Variants in OR4E1 observed in about 807,000 individuals in gnomAD.
The protein encoded by OR4E1 is olfactory receptor family 4 subfamily E member 1.
rs1880745266 is a variant in OR4E1 at position 21,668,259 on chromosome 14, A to T, written c.*1729T>A. On this transcript the variant is annotated 3_prime_UTR_variant, in exon 2 of 2. Coordinates refer to ENST00000641792, the MANE Select transcript of OR4E1 (RefSeq NM_001317107.2). ...AGTTCCATTTGGGCTCATTGGAAAG[A>T]TATTTAGATATTTCTCCTTATTGTC... The T allele has an allele frequency of 2.3e-5, 2 of 87,156 alleles. No homozygotes were observed. Among genetic ancestry groups the T allele is most frequent in the African/African-American group, 1.0e-4 (2 of 19,370 alleles). 5.4% of individuals were successfully genotyped at this position (87,156 alleles called of 1,614,324 possible).
In OR4E1 at chr14:21,669,362, AATAGT is replaced by A. The variant is rs557704269; in HGVS notation, c.*621_*625del. 1.3e-5 allele frequency: 2 copies of A among 152,240 alleles called. No individual in the cohort carries two copies. Among genetic ancestry groups the A allele is most frequent in the Non-Finnish European group, 2.9e-5 (2 of 68,034 alleles). The allele number at this position is 152,240 out of a possible 1,614,324, so 9.4% of individuals were successfully genotyped here. A position where few individuals can be genotyped will look rare whatever the true frequency, so the allele number is the denominator to read the frequency against. The stretch of plus-strand genomic sequence containing the variant: ...TCAGTAAATATTTGTCAAATGAATG[AATAGT>A]AAGATATCCCCATTTCATTGCTCTG... On this transcript the variant is annotated 3_prime_UTR_variant, in exon 2 of 2. Coordinates refer to ENST00000641792, the MANE Select transcript of OR4E1 (RefSeq NM_001317107.2).
rs1287971985 is a variant in OR4E1 at position 21,669,990 on chromosome 14, AT to A, written c.945del (p.Lys315AsnfsTer15). 4 of 398,438 alleles carry A rather than the reference AT, an allele frequency of 1.0e-5. No individual in the cohort carries two copies. The highest frequency in any genetic ancestry group is 1.8e-5 in the Non-Finnish European group (4 of 226,062). 24.7% of individuals were successfully genotyped at this position (398,438 alleles called of 1,614,324 possible). On this transcript the variant is annotated frameshift_variant, in exon 2 of 2. Transcript: ENST00000641792. LOFTEE classifies it high-confidence loss of function. ...GTATCCTAAGGACGTAGACATTTTC[AT>A]TTTTCTTCTTTTCTCTCTTTTCTCC... is the stretch of plus-strand genomic sequence containing the variant. ...LVGRKERKEEK is the reference protein window; with the variant it reads ...LVGRKERKEEX
rs534562184 is a variant in OR4E1, at chr14:21,670,636, G to A, written c.300C>T (p.Ala100=). The A allele has an allele frequency of 1.0e-5, 4 of 400,620 alleles. No individual in the cohort carries two copies. Among genetic ancestry groups the A allele is most frequent in the African/African-American group, 8.2e-5 (4 of 48,768 alleles). 24.8% of individuals were successfully genotyped at this position (400,620 alleles called of 1,614,324 possible). A position where few individuals can be genotyped will look rare whatever the true frequency, so the allele number is the denominator to read the frequency against. Residue 100 remains alanine (A), a synonymous_variant, in exon 2 of 2, where the codon GCC becomes GCT. Transcript: ENST00000641792. ...WSEEKLISFD[A]CVTQMFFLHL... is the part of the protein sequence containing the mutation. ...GCAGGAAGAACATCTGGGTCACACA[G>A]GCATCAAAAGAGATGAGCTTTTCCT...
At position 21,670,253 on chromosome 14, in the gene OR4E1, C is replaced by G; in HGVS notation, c.683G>C (p.Ser228Thr). The G allele has an allele frequency of 2.5e-6, 1 of 398,956 alleles. No individual in the cohort carries two copies. The allele number at this position is 398,956 out of a possible 1,614,324, so 24.7% of individuals were successfully genotyped here. A position where few individuals can be genotyped will look rare whatever the true frequency, so the allele number is the denominator to read the frequency against. Residue 228 changes from serine to threonine, a missense_variant, in exon 2 of 2, where the codon AGT becomes ACT. By Grantham distance (58) the Ser-to-Thr change is moderately conservative. Transcript: ENST00000641792. ...LVVSYAVILV[S>T]LRQQISKGKR... ...GCCCTTGGAGATCTGCTGCCTCAGA[C>G]TCACCAGGATGACTGCGTAGGACAC...
chr14:21,670,998 T>A, intron 1 of OR4E1, 46 bp from the exon 2 acceptor site: 1 of 398,284 alleles, frequency 2.5e-6, no homozygotes, highest in Non-Finnish European at 4.4e-6. Flanking sequence ...AGTATCTGCA[T>A]CAATCATTTG....
chr14:21,669,332 A>G lies in OR4E1; in HGVS notation c.*656T>C, dbSNP rs184584333. On this transcript the variant is annotated 3_prime_UTR_variant, in exon 2 of 2. Coordinates refer to ENST00000641792, the MANE Select transcript of OR4E1 (RefSeq NM_001317107.2). ...TAAACCTAGTATCTGGTACATAATA[A>G]GTGCTCAGTAAATATTTGTCAAATG... 3 of 152,342 alleles carry G rather than the reference A, an allele frequency of 2.0e-5. No individual in the cohort carries two copies. Among genetic ancestry groups the G allele is most frequent in the Admixed American group, 6.5e-5 (1 of 15,306 alleles). 9.4% of individuals were successfully genotyped at this position (152,342 alleles called of 1,614,324 possible).
intron 1 of OR4E1, among the ~76,000 whole-genome samples, chr14:21,672,163 T>G (rs1880990184): frequency 6.6e-6 from 1 of 152,168 alleles, no homozygotes. Context: ...CTTTTCTAGC[T>G]TTCCTCCTTC....
chr14:21,668,155 A>T lies in OR4E1; in HGVS notation c.*1833T>A, dbSNP rs1880740655. On this transcript the variant is annotated 3_prime_UTR_variant, in exon 2 of 2. Transcript: ENST00000641792. ...TTTACCAGCTACAATCTTAATGGCTACGTTGAAGCATTGTGTTGTTGACAG... is the reference window on the plus strand; with the variant it reads ...TTTACCAGCTACAATCTTAATGGCTTCGTTGAAGCATTGTGTTGTTGACAG... The T allele has an allele frequency of 6.6e-6, 1 of 152,594 alleles. No homozygotes were observed. The highest frequency in any genetic ancestry group is 1.9e-4 in the East Asian group (1 of 5,202). The allele number at this position is 152,594 out of a possible 1,614,324, so 9.5% of individuals were successfully genotyped here.
chr14:21,671,556 G>A (rs1234942857), intron 1 of OR4E1, among the ~76,000 whole-genome samples: 2 of 152,166 alleles, frequency 1.3e-5, no homozygotes, highest in Non-Finnish European at 1.5e-5. Flanking sequence ...ATTGTTTAGA[G>A]AAGGCAGGAT....
intron 1 of OR4E1, among the ~76,000 whole-genome samples, chr14:21,672,675 A>G (rs1881016093): frequency 1.3e-5 from 2 of 152,216 alleles, no homozygotes; most frequent in South Asian, 2.1e-4. Flanking sequence ...GAGGGTGTGC[A>G]GACCAAGAAC....
rs965927761 is a variant in OR4E1 at position 21,669,932 on chromosome 14, T to G, written c.*56A>C. The G allele has an allele frequency of 5.0e-6, 2 of 397,788 alleles. No homozygotes were observed. Among genetic ancestry groups the G allele is most frequent in the African/African-American group, 4.1e-5 (2 of 48,628 alleles). 24.6% of individuals were successfully genotyped at this position (397,788 alleles called of 1,614,324 possible). A position where few individuals can be genotyped will look rare whatever the true frequency, so the allele number is the denominator to read the frequency against. On this transcript the variant is annotated 3_prime_UTR_variant, in exon 2 of 2. Transcript: ENST00000641792. ...GATAAATATGGTATGTAACTTATTC[T>G]TTGCAAGGCGCTTCTTTAATTTGGA...
rs1052609712 is a variant in OR4E1, at chr14:21,670,035, C to A, written c.901G>T (p.Ala301Ser). 4.5e-5 allele frequency: 18 copies of A among 398,500 alleles called. No individual in the cohort carries two copies. Among genetic ancestry groups the A allele is most frequent in the Non-Finnish European group, 6.2e-5 (14 of 226,132 alleles). 24.7% of individuals were successfully genotyped at this position (398,500 alleles called of 1,614,324 possible). The change falls in exon 2 of 2, where the codon GCC becomes TCC. Residue 301 changes from alanine to serine, a missense_variant. Transcript: ENST00000641792. Reference protein sequence around the residue: ...YTLRNEEMKSALNKLVGRKER... With the variant: ...YTLRNEEMKSSLNKLVGRKER... Reference sequence around the variant, plus strand: ...TTTCTCCCCACTAACTTGTTTAAGGCACTCTTCATTTCTTCATTCCTAAGG... The same window carrying A: ...TTTCTCCCCACTAACTTGTTTAAGGAACTCTTCATTTCTTCATTCCTAAGG...
rs1880747235 is a variant in OR4E1 at position 21,668,307 on chromosome 14, G to A, written c.*1681C>T. On this transcript the variant is annotated 3_prime_UTR_variant, in exon 2 of 2. Transcript: ENST00000641792. The stretch of plus-strand genomic sequence containing the variant: ...GTCTGCCATTGCCTATAATAAAAGG[G>A]CATTTATTTTACATAAATTTTATAA... 1.3e-5 allele frequency: 1 copy of A among 75,098 alleles called. No homozygotes were observed. Among genetic ancestry groups the A allele is most frequent in the South Asian group, 2.6e-4 (1 of 3,842 alleles). 4.7% of individuals were successfully genotyped at this position (75,098 alleles called of 1,614,324 possible). A position where few individuals can be genotyped will look rare whatever the true frequency, so the allele number is the denominator to read the frequency against.
At position 21,667,963 on chromosome 14, in the gene OR4E1, G is replaced by A. The variant is rs543382830; in HGVS notation, c.*2025C>T. 7.9e-5 allele frequency: 12 copies of A among 152,326 alleles called. No homozygotes were observed. The South Asian group carries it at 2.3e-3, about 29-fold the overall frequency. The allele number at this position is 152,326 out of a possible 1,614,324, so 9.4% of individuals were successfully genotyped here. On this transcript the variant is annotated 3_prime_UTR_variant, in exon 2 of 2. Coordinates refer to ENST00000641792, the MANE Select transcript of OR4E1 (RefSeq NM_001317107.2). ...GAGTAATTAAATACATTTTTATCTT[G>A]TCTCTGAGTCTGAAAAGCTTTTTTC...
intron 1 of OR4E1, among the ~76,000 whole-genome samples, chr14:21,672,582 C>A (rs569418961): frequency 2.0e-5 from 3 of 151,214 alleles, no homozygotes; most frequent in South Asian, 4.4e-4. Context: ...TTTTCATGGT[C>A]GCAAAATTCA....
chr14:21,669,769 A>G lies in OR4E1; in HGVS notation c.*219T>C. 3.1e-6 allele frequency: 1 copy of G among 321,448 alleles called. No homozygotes were observed. Among genetic ancestry groups the G allele is most frequent in the Non-Finnish European group, 5.6e-6 (1 of 177,778 alleles). 19.9% of individuals were successfully genotyped at this position (321,448 alleles called of 1,614,324 possible). ...TGTACAAACAAGCATCATAATATCT[A>G]CCTTTCAAAGTTGTGAGAATTAAGT... is the stretch of plus-strand genomic sequence containing the variant. On this transcript the variant is annotated 3_prime_UTR_variant, in exon 2 of 2. Transcript: ENST00000641792.
At chr14:21,672,974 T>C (rs1160925646) in intron 1 of OR4E1, 116 bp downstream of exon 1, 1 of 152,234 alleles carries the variant, frequency 6.6e-6, no homozygotes, top group Non-Finnish European at 1.5e-5. Context: ...CTGATGCTCT[T>C]AGTACCTCCA....
intron 1 of OR4E1, among the ~76,000 whole-genome samples, chr14:21,671,823 T>G (rs556349922): frequency 6.6e-6 from 1 of 152,326 alleles, no homozygotes; most frequent in African/African-American, 2.4e-5. Context: ...ATATGCATTA[T>G]AGTCACAGGA....
Position 21,668,841 on chromosome 14 carries a change from T to C in OR4E1, c.*1147A>G, listed in dbSNP as rs1184771441. On this transcript the variant is annotated 3_prime_UTR_variant, in exon 2 of 2. Transcript: ENST00000641792. ...TAATTTTATTAAAACATAAATTATT[T>C]CATGCCACACCTGTGCTTAAATCAT... is the stretch of plus-strand genomic sequence containing the variant. 1 of 152,240 alleles carries C rather than the reference T, an allele frequency of 6.6e-6. No individual in the cohort carries two copies. Among genetic ancestry groups the C allele is most frequent in the East Asian group, 1.9e-4 (1 of 5,198 alleles). 9.4% of individuals were successfully genotyped at this position (152,240 alleles called of 1,614,324 possible).
Sources: gnomAD v4.1 joint callset for allele counts (sites outside exome capture counted in the v4.1 genomes callset) on GRCh38, gnomAD v4.1.1 for gene constraint, MANE v1.5 for transcripts, NCBI Gene and HGNC (gene_info 2026-07-23, HGNC 2026-07-21) for gene names.